Variants in RCC2 observed in about 807,000 individuals in gnomAD.
RCC2 encodes the protein protein RCC2.
RCC2 carries 19 observed loss-of-function variants against 64.1 expected under a neutral mutation model. The observed-to-expected ratio is 0.30, with a 90% CI of 0.21 to 0.44. The LOEUF is 0.44. Among genes scored for constraint, RCC2 ranks in the 20% least tolerant of loss-of-function variants. RCC2 has a pLI of 1.00. For synonymous variants in RCC2, 325 were observed against 279.6 expected, an observed-to-expected ratio of 1.16 and a Z score of -1.62; for missense variants, 508 against 710.4, an observed-to-expected ratio of 0.72 and a Z score of 3.24.
At chr1:17,433,805 CAT>C (rs2075708351) in intron 2 of RCC2, among the ~76,000 whole-genome samples, 1 of 152,166 alleles carries the variant, frequency 6.6e-6, no homozygotes, top group South Asian at 2.1e-4. Flanking sequence ...AACCTTTTAA[CAT>C]AGGTCCATGT....
chr1:17,438,839 A>G (rs992221509), intron 1 of RCC2, among the ~76,000 whole-genome samples: 9 of 152,248 alleles, frequency 5.9e-5, no homozygotes, highest in Non-Finnish European at 1.0e-4. Flanking sequence ...TCGCCCCCCA[A>G]AAGTAAAGGG....
Position 17,425,505 on chromosome 1 carries a change from G to C in RCC2, c.523+36C>G. The stretch of plus-strand genomic sequence containing the variant: ...TGCTGTGTGGGGACAGCTGGTGACA[G>C]TGGTCCCCAGTGCCCAGCACCCGCA... On this transcript the variant is annotated intron_variant, in intron 4 of 12. Transcript: ENST00000375436. The C allele has an allele frequency of 1.9e-6, 3 of 1,554,512 alleles. No individual in the cohort carries two copies. The South Asian group carries it at 3.5e-5, about 18-fold the overall frequency.
Position 17,417,691 on chromosome 1 carries a change from A to C in RCC2, c.860-1045T>G. Among the ~76,000 whole-genome samples, 2 of 151,920 alleles carry C rather than the reference A, an allele frequency of 1.3e-5. 1 individual carries two copies. Among genetic ancestry groups the C allele is most frequent in the Non-Finnish European group, 2.9e-5 (2 of 68,022 alleles). On this transcript the variant is annotated intron_variant, in intron 7 of 12. Coordinates refer to ENST00000375436, the MANE Select transcript of RCC2 (RefSeq NM_018715.4). The stretch of plus-strand genomic sequence containing the variant: ...GAACAAGTTTCTGTCTCCAAAAAAA[A>C]ACAAACAAAAAAACTTGTTGTTATC...
chr1:17,421,954 G>A (rs1190265594), intron 6 of RCC2, among the ~76,000 whole-genome samples: 1 of 152,160 alleles, frequency 6.6e-6, no homozygotes, highest in Non-Finnish European at 1.5e-5. Context: ...GAACCCGGGA[G>A]GCGGAGGTTG....
chr1:17,422,918 T>A, intron 4 of RCC2, 82 bp from the exon 5 acceptor site: 1 of 1,529,418 alleles, frequency 6.5e-7, no homozygotes, highest in Non-Finnish European at 9.0e-7. Flanking sequence ...ACAAACACAC[T>A]CTCAAATGAT....
At chr1:17,427,381 C>G (rs566941703) in intron 3 of RCC2, among the ~76,000 whole-genome samples, 8 of 152,248 alleles carry the variant, frequency 5.3e-5, no homozygotes, top group African/African-American at 1.9e-4. Context: ...CCTGCAGACA[C>G]CTCCCCTGAA....
intron 3 of RCC2, 72 bp from the exon 4 acceptor site, chr1:17,425,756 C>G: frequency 6.7e-7 from 1 of 1,482,304 alleles, no homozygotes; most frequent in Non-Finnish European, 9.2e-7. Flanking sequence ...CACTGGCCAC[C>G]AAGCAGCCAC....
intron 6 of RCC2, among the ~76,000 whole-genome samples, chr1:17,421,682 A>C (rs1251850200): frequency 6.6e-6 from 1 of 152,168 alleles, no homozygotes; most frequent in Non-Finnish European, 1.5e-5. Context: ...TTGGAAACAA[A>C]ATGTTTTCAG....
At position 17,413,658 on chromosome 1, in the gene RCC2, C is replaced by T. The variant is rs577150048; in HGVS notation, c.1086G>A (p.Leu362=). The change falls in exon 9 of 13, where the codon CTG becomes CTA. Residue 362 remains leucine, a synonymous_variant. Transcript: ENST00000375436. The stretch of plus-strand genomic sequence containing the variant: ...TCTCATCCTTCTGCTCTGCGTGGCC[C>T]AGCCGGCCATAGCCACCAAAGCCCC... ...FSWGFGGYGR[L]GHAEQKDEMV... is the part of the protein sequence containing the mutation. 5 of 1,614,202 alleles carry T rather than the reference C, an allele frequency of 3.1e-6. No homozygotes were observed. In the South Asian group the frequency reaches 5.5e-5, roughly 18 times the overall value.
At chr1:17,423,285 G>C (rs72906435) in intron 4 of RCC2, among the ~76,000 whole-genome samples, 2,131 of 152,330 alleles carry the variant, frequency 0.014, 46 homozygotes, top group African/African-American at 0.049. Flanking sequence ...GGTGCTCTGG[G>C]CATCCACTGA....
At chr1:17,425,822 G>A (rs535598859) in intron 3 of RCC2, 138 bp from the exon 4 acceptor site, 2 of 837,204 alleles carry the variant, frequency 2.4e-6, no homozygotes, top group Admixed American at 2.7e-5. Flanking sequence ...CTTGGCTGTT[G>A]GGAGGCTGCA....
At chr1:17,423,036 G>A (rs1007851842) in intron 4 of RCC2, among the ~76,000 whole-genome samples, 200 bp from the exon 5 acceptor site, 6 of 152,122 alleles carry the variant, frequency 3.9e-5, no homozygotes, top group South Asian at 4.1e-4. Context: ...GCAGCTCCCC[G>A]GACCTCCTTC....
chr1:17,428,619 CT>C (rs374134261), intron 3 of RCC2, among the ~76,000 whole-genome samples: 1 of 152,216 alleles, frequency 6.6e-6, no homozygotes, highest in Non-Finnish European at 1.5e-5. Context: ...CAAAACATTA[CT>C]TCTTAAGGAC....
At position 17,407,945 on chromosome 1, in the gene RCC2, C is replaced by A. The variant is rs1478992237; in HGVS notation, c.*1145G>T. ...GCACCTCATAACTCACTCAGCGCAG[C>A]ACACACGGCGGCGAGCTCGGGCACT... On this transcript the variant is annotated 3_prime_UTR_variant, in exon 13 of 13. Coordinates refer to ENST00000375436, the MANE Select transcript of RCC2 (RefSeq NM_018715.4). 1 of 152,582 alleles carries A rather than the reference C, an allele frequency of 6.6e-6. No homozygotes were observed. The highest frequency in any genetic ancestry group is 2.4e-5 in the African/African-American group (1 of 41,460). The allele number at this position is 152,582 out of a possible 1,614,324, so 9.5% of individuals were successfully genotyped here.
At chr1:17,430,502 AGG>A (rs1553158354) in intron 2 of RCC2, among the ~76,000 whole-genome samples, 1 of 142,532 alleles carries the variant, frequency 7.0e-6, no homozygotes, top group African/African-American at 2.6e-5. Context: ...AAAAAAAAAA[AGG>A]GGGCCAGGCA....
chr1:17,438,661 G>A, intron 1 of RCC2, 139 bp from the exon 2 acceptor site: 1 of 821,632 alleles, frequency 1.2e-6, no homozygotes, highest in Non-Finnish European at 1.6e-6. Flanking sequence ...GGGCGGAGAG[G>A]GGGCGAGTTG....
intron 4 of RCC2, 151 bp downstream of exon 4, chr1:17,425,390 G>A: frequency 1.3e-6 from 1 of 773,452 alleles, no homozygotes; most frequent in Non-Finnish European, 2.0e-6. Flanking sequence ...CAAGAGACGA[G>A]CTGGGAATTA....
rs1042800378 is a variant in RCC2, at chr1:17,424,857, C to T, written c.523+684G>A. On this transcript the variant is annotated intron_variant, in intron 4 of 12. Coordinates refer to ENST00000375436, the MANE Select transcript of RCC2 (RefSeq NM_018715.4). ...GGAATGATCTGGAAGAGGACACGGG[C>T]AGGAATGGGCCGGCCGGCTGCAGAG... Among the ~76,000 whole-genome samples the T allele has an allele frequency of 2.6e-5, 4 of 152,266 alleles. No individual in the cohort carries two copies. In the East Asian group the frequency reaches 7.7e-4, roughly 29 times the overall value.
intron 7 of RCC2, among the ~76,000 whole-genome samples, chr1:17,419,762 T>C (rs1406274138): frequency 1.3e-5 from 2 of 151,822 alleles, no homozygotes; most frequent in Non-Finnish European, 2.9e-5. Flanking sequence ...AGCGCGCACG[T>C]GGCAGGAAGC....
Sources: gnomAD v4.1 joint callset for allele counts (sites outside exome capture counted in the v4.1 genomes callset) on GRCh38, gnomAD v4.1.1 for gene constraint, MANE v1.5 for transcripts, NCBI Gene and HGNC (gene_info 2026-07-23, HGNC 2026-07-21) for gene names.